Variants in NCOA3 observed in about 807,000 individuals in gnomAD.
The protein encoded by NCOA3 is nuclear receptor coactivator 3.
In NCOA3, 51 loss-of-function variants were observed where a neutral mutation model predicts 158.8. The ratio of observed to expected loss-of-function variants is 0.32; its 90% CI spans 0.26 to 0.41. The LOEUF (loss-of-function observed/expected upper bound fraction) is 0.41. Ranked by LOEUF, NCOA3 falls within the 10% of genes least tolerant of loss-of-function variation. The pLI is 1.00. For synonymous variants in NCOA3, 537 were observed against 592.4 expected (o/e 0.91, Z 1.36); for missense variants, 1,510 against 1,746.6 (o/e 0.86, Z 2.41).
chr20:47,521,024 T>C (rs2084323441), intron 1 of NCOA3, among the ~76,000 whole-genome samples: 1 of 152,228 alleles, frequency 6.6e-6, no homozygotes. Flanking sequence ...CCTTCAGAAT[T>C]TGACCACCAA....
intron 1 of NCOA3, among the ~76,000 whole-genome samples, chr20:47,546,404 C>A (rs1458720152): frequency 6.6e-6 from 1 of 151,918 alleles, no homozygotes; most frequent in African/African-American, 2.4e-5. Flanking sequence ...CTGGAGGGAT[C>A]TTTTACAATC....
chr20:47,507,278 G>GA (rs1435027013), intron 1 of NCOA3, among the ~76,000 whole-genome samples: 1 of 152,076 alleles, frequency 6.6e-6, no homozygotes, highest in African/African-American at 2.4e-5. Flanking sequence ...AGAGATTTTG[G>GA]AAAAATTTCC....
At chr20:47,520,232 C>G (rs981806975) in intron 1 of NCOA3, among the ~76,000 whole-genome samples, 2 of 151,870 alleles carry the variant, frequency 1.3e-5, no homozygotes, top group Non-Finnish European at 2.9e-5. Context: ...TAAATTTACC[C>G]TGGCTTTTAA....
At position 47,652,707 on chromosome 20, in the gene NCOA3, G is replaced by T. The variant is rs986095022; in HGVS notation, c.4121+127G>T. 22 of 1,022,278 alleles carry T rather than the reference G, an allele frequency of 2.2e-5. No individual in the cohort carries two copies. The Middle Eastern group carries it at 9.1e-4, about 42-fold the overall frequency. 63.3% of individuals were successfully genotyped at this position (1,022,278 alleles called of 1,614,324 possible). A position where few individuals can be genotyped will look rare whatever the true frequency, so the allele number is the denominator to read the frequency against. On this transcript the variant is annotated intron_variant, in intron 21 of 22. Transcript: ENST00000371998. ...GGACTGGGTTCATATTAGAAGGTGT[G>T]ATTTGGCTTGTCCATTTTGAGAGTC...
intron 2 of NCOA3, among the ~76,000 whole-genome samples, chr20:47,591,859 T>C (rs1277119548): frequency 2.0e-5 from 3 of 152,170 alleles, no homozygotes; most frequent in Non-Finnish European, 4.4e-5. Flanking sequence ...AGTTTGACTA[T>C]GTATTTAGGT....
chr20:47,619,645 T>TA lies in NCOA3; in HGVS notation c.-19-2564dup, dbSNP rs76787208. Among the ~76,000 whole-genome samples the TA allele has an allele frequency of 7.4e-3, 904 of 121,490 alleles. 4 individuals are homozygous for TA. Among genetic ancestry groups the TA allele is most frequent in the Middle Eastern group, 0.021 (5 of 234 alleles). 79.7% of individuals were successfully genotyped at this position (121,490 alleles called of 152,430 possible). On this transcript the variant is annotated intron_variant, in intron 2 of 22. Transcript: ENST00000371998. ...GGGTGACACAGTAAGACCCTGTCTTTAAAAAAAAAAAAAAAAAAAAGTTAT... is the reference window on the plus strand; with the variant it reads ...GGGTGACACAGTAAGACCCTGTCTTTAAAAAAAAAAAAAAAAAAAAAGTTAT...
intron 1 of NCOA3, among the ~76,000 whole-genome samples, chr20:47,504,996 GT>G (rs1202577966): frequency 0.016 from 508 of 30,878 alleles, 5 homozygotes; most frequent in Non-Finnish European, 0.018. Flanking sequence ...ATGGCTTTGG[GT>G]TTTTGGTTTT....
At chr20:47,642,184 A>G (rs1382914525) in intron 16 of NCOA3, 29 bp from the exon 17 acceptor site, 5 of 1,520,620 alleles carry the variant, frequency 3.3e-6, no homozygotes, top group Non-Finnish European at 4.4e-6. Flanking sequence ...AAAAAGCACC[A>G]TTGACATTGA....
At chr20:47,583,890 G>A (rs937276686) in intron 2 of NCOA3, among the ~76,000 whole-genome samples, 2 of 152,226 alleles carry the variant, frequency 1.3e-5, no homozygotes, top group African/African-American at 4.8e-5. Flanking sequence ...ATGAGGTTGA[G>A]GCTGCGCCTC....
chr20:47,615,478 T>C (rs919461456), intron 2 of NCOA3, among the ~76,000 whole-genome samples: 1 of 152,208 alleles, frequency 6.6e-6, no homozygotes, highest in African/African-American at 2.4e-5. Context: ...TCAAACTTTT[T>C]CCCTCCTGTC....
At chr20:47,582,967 G>A (rs2085478104) in intron 1 of NCOA3, among the ~76,000 whole-genome samples, 1 of 152,056 alleles carries the variant, frequency 6.6e-6, no homozygotes, top group Non-Finnish European at 1.5e-5. Context: ...GCTAATTTCT[G>A]TATTTTTAGT....
intron 5 of NCOA3, 71 bp downstream of exon 5, chr20:47,625,552 C>T (rs1255966787): frequency 1.4e-5 from 16 of 1,127,200 alleles, no homozygotes; most frequent in Admixed American, 1.1e-4. Context: ...TATAAAAAAT[C>T]GATGAAATTT....
intron 1 of NCOA3, among the ~76,000 whole-genome samples, chr20:47,559,083 A>G (rs916746021): frequency 6.6e-6 from 1 of 151,054 alleles, no homozygotes; most frequent in Admixed American, 6.6e-5. Context: ...ATAGAGCACT[A>G]TGTGTAATGA....
chr20:47,505,550 AC>A (rs1036810490), intron 1 of NCOA3, among the ~76,000 whole-genome samples: 1 of 151,942 alleles, frequency 6.6e-6, no homozygotes, highest in African/African-American at 2.4e-5. Flanking sequence ...AAAAAACAAG[AC>A]TTGTTGATCA....
chr20:47,526,525 G>A (rs1158171480), intron 1 of NCOA3, among the ~76,000 whole-genome samples: 2 of 152,262 alleles, frequency 1.3e-5, no homozygotes, highest in Non-Finnish European at 2.9e-5. Context: ...TCGGGAGGCC[G>A]AGGCTGGCGG....
At chr20:47,642,508 C>T (rs2086627396) in intron 17 of NCOA3, 124 bp downstream of exon 17, 1 of 531,142 alleles carries the variant, frequency 1.9e-6, no homozygotes. Flanking sequence ...TATATCACTA[C>T]ATTCATGGAT....
Position 47,647,217 on chromosome 20 carries a change from C to A in NCOA3, c.3397C>A (p.Pro1133Thr), listed in dbSNP as rs148268636. 1.5e-5 allele frequency: 24 copies of A among 1,614,162 alleles called. No homozygotes were observed. In the African/African-American group the frequency reaches 3.2e-4, roughly 22 times the overall value. Residue 1133 changes from proline (P) to threonine (T), a missense_variant, in exon 18 of 23, where the codon CCA becomes ACA. By Grantham distance (38) the Pro-to-Thr change is conservative. Transcript: ENST00000371998. ...QGGFHLQGQSPSFNSMMNQMN... is the reference protein window; with the variant it reads ...QGGFHLQGQSTSFNSMMNQMN... Reference sequence around the variant, plus strand: ...AGGCTTTCATCTTCAGGGACAATCACCATCTTTTAACTCTATGATGAATCA... The same window carrying A: ...AGGCTTTCATCTTCAGGGACAATCAACATCTTTTAACTCTATGATGAATCA...
intron 10 of NCOA3, 51 bp from the exon 11 acceptor site, chr20:47,635,270 CT>C: frequency 6.7e-7 from 1 of 1,492,372 alleles, no homozygotes; most frequent in Non-Finnish European, 9.0e-7. Context: ...TGATTAAAAG[CT>C]TTCATGCATG....
chr20:47,605,908 A>G (rs549640121), intron 2 of NCOA3, among the ~76,000 whole-genome samples: 131 of 152,358 alleles, frequency 8.6e-4, no homozygotes, highest in Middle Eastern at 3.4e-3. Flanking sequence ...TGATCTCACA[A>G]CATGGCTTGT....
Sources: allele counts gnomAD v4.1 joint callset (sites outside exome capture counted in the v4.1 genomes callset), GRCh38; gene constraint gnomAD v4.1.1; transcripts MANE v1.5; gene names NCBI Gene and HGNC (gene_info 2026-07-23, HGNC 2026-07-21).